The following TTLL11 variants were observed in gnomAD, a reference collection of about 807,000 sequenced individuals.
The protein encoded by TTLL11 is tubulin polyglutamylase TTLL11.
A neutral mutation model predicts 51.7 loss-of-function variants in TTLL11; 42 were observed. The ratio of observed to expected loss-of-function variants is 0.81; its 90% CI spans 0.64 to 1.05. TTLL11 has a LOEUF of 1.05. TTLL11 is among the 50% of genes least tolerant of loss of function. The probability of loss-of-function intolerance (pLI) is 0.00; values close to 1 mark genes in which losing one functional copy is unlikely to be tolerated. For synonymous variants in TTLL11, 381 were observed against 383.5 expected, an observed-to-expected ratio of 0.99 and a Z score of 0.08; for missense variants, 799 against 940.4, an observed-to-expected ratio of 0.85 and a Z score of 1.97.
At chr9:122,018,933 A>G (rs1212650391) in intron 3 of TTLL11, among the ~76,000 whole-genome samples, 1 of 152,174 alleles carries the variant, frequency 6.6e-6, no homozygotes, top group Non-Finnish European at 1.5e-5. Flanking sequence ...GAACAGCTAA[A>G]ATCAGGCAGT....
chr9:122,017,091 T>C (rs1035809944), intron 3 of TTLL11, among the ~76,000 whole-genome samples: 1 of 152,200 alleles, frequency 6.6e-6, no homozygotes, highest in East Asian at 1.9e-4. Context: ...CTAATTAATG[T>C]AAGAAATAAC....
chr9:121,865,944 A>G (rs540009055), intron 7 of TTLL11, among the ~76,000 whole-genome samples: 1 of 152,364 alleles, frequency 6.6e-6, no homozygotes, highest in East Asian at 1.9e-4. Context: ...TATGCAGCAC[A>G]TTATGAGAGA....
intron 6 of TTLL11, among the ~76,000 whole-genome samples, chr9:121,971,411 C>T (rs1588165746): frequency 2.9e-5 from 3 of 104,674 alleles, no homozygotes; most frequent in African/African-American, 9.7e-5. Flanking sequence ...GTCAGCCCCC[C>T]GCCCGGCCAG....
chr9:121,892,169 G>GAT (rs979910217), intron 6 of TTLL11, among the ~76,000 whole-genome samples: 21 of 142,144 alleles, frequency 1.5e-4, no homozygotes, highest in South Asian at 4.5e-4. Context: ...TATATACACA[G>GAT]ATATATATAT....
chr9:122,054,806 C>T (rs373852472), intron 1 of TTLL11, among the ~76,000 whole-genome samples: 20 of 152,166 alleles, frequency 1.3e-4, no homozygotes, highest in African/African-American at 4.8e-4. Context: ...TCTTCCATAT[C>T]GAAACTTTAA....
intron 6 of TTLL11, among the ~76,000 whole-genome samples, chr9:121,940,883 A>G (rs1841433705): frequency 6.6e-6 from 1 of 152,228 alleles, no homozygotes; most frequent in African/African-American, 2.4e-5. Context: ...TTAAACAAAG[A>G]GGTCTTTATT....
At chr9:121,895,914 A>ATGTGTGGGTGTGTC (rs1280452833) in intron 6 of TTLL11, among the ~76,000 whole-genome samples, 38 of 4,608 alleles carry the variant, frequency 8.2e-3, no homozygotes, top group South Asian at 0.036. Context: ...CTTTGTGTGG[A>ATGTGTGGGTGTGTC]TGTGTGGGTG....
chr9:121,861,544 G>C (rs1483817417), intron 7 of TTLL11, among the ~76,000 whole-genome samples: 3 of 152,188 alleles, frequency 2.0e-5, no homozygotes, highest in African/African-American at 7.2e-5. Context: ...GTGGGTCCCT[G>C]CTTGCTCTAA....
At chr9:121,923,317 G>A (rs909214961) in intron 6 of TTLL11, among the ~76,000 whole-genome samples, 4 of 152,138 alleles carry the variant, frequency 2.6e-5, no homozygotes, top group East Asian at 3.8e-4. Flanking sequence ...TCCAAAAGCC[G>A]GTAGAACTCG....
intron 3 of TTLL11, among the ~76,000 whole-genome samples, chr9:121,994,213 TGATGTG>T (rs1843190851): frequency 1.3e-5 from 2 of 152,170 alleles, no homozygotes; most frequent in Non-Finnish European, 2.9e-5. Flanking sequence ...CCTGGGCAGA[TGATGTG>T]CTGCTTCGGT....
At chr9:122,012,661 CAT>C (rs57197817) in intron 3 of TTLL11, among the ~76,000 whole-genome samples, 52,003 of 148,366 alleles carry the variant, frequency 0.35, 9,571 homozygotes, top group African/African-American at 0.48. Flanking sequence ...AAAAAATACA[CAT>C]ACACACACAC....
At chr9:121,962,999 C>T (rs1031654947) in intron 6 of TTLL11, among the ~76,000 whole-genome samples, 4 of 152,326 alleles carry the variant, frequency 2.6e-5, no homozygotes, top group Non-Finnish European at 4.4e-5. Flanking sequence ...AATATCTGCA[C>T]GTCTGTTCTC....
At chr9:122,087,998 C>T (rs1482117491) in intron 1 of TTLL11, among the ~76,000 whole-genome samples, 1 of 152,168 alleles carries the variant, frequency 6.6e-6, no homozygotes, top group East Asian at 1.9e-4. Flanking sequence ...TAAATTAGAC[C>T]TGGCCAGAAC....
In TTLL11 at chr9:122,093,039, A is replaced by C. The variant is rs1427022629; in HGVS notation, c.110T>G (p.Val37Gly). Reference protein sequence around the residue: ...KAEAEATAETVAEQVRVDAGA... With the variant: ...KAEAEATAETGAEQVRVDAGA... The stretch of plus-strand genomic sequence containing the variant: ...CGCGTCCACGCGGACCTGTTCCGCC[A>C]CCGTCTCCGCTGTGGCCTCGGCCTC... The change falls in exon 1 of 9, where the codon GTG becomes GGG. Residue 37 changes from valine (V) to glycine (G), a missense_variant. By Grantham distance (109) the Val-to-Gly change is moderately radical. Transcript: ENST00000321582. 1 of 1,522,214 alleles carries C rather than the reference A, an allele frequency of 6.6e-7. No homozygotes were observed. The highest frequency in any genetic ancestry group is 8.8e-7 in the Non-Finnish European group (1 of 1,142,698). 94.3% of individuals were successfully genotyped at this position (1,522,214 alleles called of 1,614,324 possible).
At chr9:121,825,974 G>A (rs1211890687) in intron 8 of TTLL11, among the ~76,000 whole-genome samples, 2 of 150,974 alleles carry the variant, frequency 1.3e-5, no homozygotes, top group African/African-American at 4.9e-5. Flanking sequence ...AAACATGGAT[G>A]CAATTTAAAC....
chr9:122,025,277 C>T (rs1844297003), intron 3 of TTLL11, among the ~76,000 whole-genome samples: 2 of 152,184 alleles, frequency 1.3e-5, no homozygotes, highest in Admixed American at 6.5e-5. Context: ...CAAAATACAA[C>T]TGATGACAGG....
intron 1 of TTLL11, among the ~76,000 whole-genome samples, chr9:122,041,921 T>C (rs1010848883): frequency 1.4e-5 from 2 of 144,768 alleles, no homozygotes; most frequent in Admixed American, 6.9e-5. Flanking sequence ...AAAAAATCCA[T>C]CCTAAAATTC....
At chr9:121,904,324 G>C (rs914128797) in intron 6 of TTLL11, among the ~76,000 whole-genome samples, 5 of 152,156 alleles carry the variant, frequency 3.3e-5, no homozygotes, top group East Asian at 3.9e-4. Flanking sequence ...CTATAGGCAC[G>C]CACCACCACG....
At chr9:121,876,659 T>C (rs1838577878) in intron 6 of TTLL11, among the ~76,000 whole-genome samples, 1 of 152,174 alleles carries the variant, frequency 6.6e-6, no homozygotes, top group African/African-American at 2.4e-5. Context: ...TGGAGACGAA[T>C]AAATCTGCCA....
Sources: allele counts gnomAD v4.1 joint callset (sites outside exome capture counted in the v4.1 genomes callset), GRCh38; gene constraint gnomAD v4.1.1; transcripts MANE v1.5; gene names NCBI Gene and HGNC (gene_info 2026-07-23, HGNC 2026-07-21).